Variants in PPP2R2C observed in about 807,000 individuals in gnomAD.
The protein encoded by PPP2R2C is protein phosphatase 2, regulatory subunit B, gamma.
PPP2R2C carries 10 observed loss-of-function variants against 45.3 expected under a neutral mutation model. The observed-to-expected ratio is 0.22, with a 90% confidence interval of 0.14 to 0.37. The LOEUF (loss-of-function observed/expected upper bound fraction) is 0.37. PPP2R2C is among the 10% of genes least tolerant of loss of function. PPP2R2C has a pLI of 1.00. For missense variants in PPP2R2C, 308 were observed against 619.7 expected, an observed-to-expected ratio of 0.50 and a Z score of 5.34; for synonymous variants, 257 against 245.4, an observed-to-expected ratio of 1.05 and a Z score of -0.44.
At chr4:6,376,887 G>A (rs1464094556) in intron 3 of PPP2R2C, among the ~76,000 whole-genome samples, 1 of 152,206 alleles carries the variant, frequency 6.6e-6, no homozygotes, top group African/African-American at 2.4e-5. Context: ...GCTGGGCAGG[G>A]CCCCTTAGGG....
intron 2 of PPP2R2C, among the ~76,000 whole-genome samples, chr4:6,502,523 CTCCTTCCCTGCTTCCT>C (rs1372682753): frequency 6.6e-6 from 1 of 152,022 alleles, no homozygotes; most frequent in African/African-American, 2.4e-5. Context: ...CTCTCCCTCC[CTCCTTCCCTGCTTCCT>C]TCCTTCCTTC....
At chr4:6,379,697 G>A (rs1021404912) in intron 2 of PPP2R2C, among the ~76,000 whole-genome samples, 2 of 152,238 alleles carry the variant, frequency 1.3e-5, no homozygotes, top group Non-Finnish European at 2.9e-5. Context: ...CTGGCCGAGT[G>A]CTGTGTTTGA....
At chr4:6,539,140 A>C (rs1560610671) in intron 1 of PPP2R2C, among the ~76,000 whole-genome samples, 1 of 138,086 alleles carries the variant, frequency 7.2e-6, no homozygotes, top group South Asian at 2.3e-4. Context: ...TGTCCTTCCA[A>C]AAAAAAAAAA....
intron 2 of PPP2R2C, among the ~76,000 whole-genome samples, chr4:6,517,796 G>A (rs1159859418): frequency 6.6e-6 from 1 of 152,170 alleles, no homozygotes; most frequent in African/African-American, 2.4e-5. Context: ...CTGGAAGCCA[G>A]GTAGACAGGG....
intron 2 of PPP2R2C, among the ~76,000 whole-genome samples, chr4:6,485,709 C>G (rs559300975): frequency 7.4e-4 from 112 of 151,876 alleles, no homozygotes; most frequent in African/African-American, 2.5e-3. Flanking sequence ...TGAATATATA[C>G]TAATGTCACC....
intron 2 of PPP2R2C, among the ~76,000 whole-genome samples, chr4:6,515,678 C>T (rs1007223794): frequency 6.6e-6 from 1 of 152,232 alleles, no homozygotes; most frequent in South Asian, 2.1e-4. Flanking sequence ...GTAGTAAGCA[C>T]TCAATAAATA....
intron 1 of PPP2R2C, among the ~76,000 whole-genome samples, chr4:6,556,414 C>G (rs1483267184): frequency 6.6e-6 from 1 of 152,170 alleles, no homozygotes; most frequent in Non-Finnish European, 1.5e-5. Context: ...TCCTGGTTCT[C>G]AAACCTTCAA....
intron 2 of PPP2R2C, among the ~76,000 whole-genome samples, chr4:6,526,060 G>A (rs528690487): frequency 8.5e-5 from 13 of 152,278 alleles, no homozygotes; most frequent in African/African-American, 2.9e-4. Flanking sequence ...CATCTACAGA[G>A]GCTGCACAGA....
At chr4:6,522,329 G>C (rs1724053011) in intron 2 of PPP2R2C, among the ~76,000 whole-genome samples, 2 of 152,238 alleles carry the variant, frequency 1.3e-5, no homozygotes, top group Admixed American at 6.5e-5. Context: ...CCCCAGCCGT[G>C]CTGGGAGCAC....
chr4:6,464,372 C>T (rs1297736041), intron 1 of PPP2R2C, among the ~76,000 whole-genome samples: 1 of 152,164 alleles, frequency 6.6e-6, no homozygotes, highest in African/African-American at 2.4e-5. Context: ...TGTACAGACT[C>T]CTCCAGCAGC....
At chr4:6,452,956 C>T (rs1720819660) in intron 1 of PPP2R2C, among the ~76,000 whole-genome samples, 1 of 152,230 alleles carries the variant, frequency 6.6e-6, no homozygotes, top group Admixed American at 6.5e-5. Flanking sequence ...TCCCCACGGC[C>T]ACACTGCAGG....
In PPP2R2C at chr4:6,535,171, C is replaced by T. The variant is rs563908229; in HGVS notation, c.49+100G>A. The T allele has an allele frequency of 4.4e-3, 5,992 of 1,356,456 alleles. 18 individuals are homozygous for T. Among genetic ancestry groups the T allele is most frequent in the Non-Finnish European group, 5.5e-3 (5,429 of 988,134 alleles). 84.0% of individuals were successfully genotyped at this position (1,356,456 alleles called of 1,614,324 possible). On this transcript the variant is annotated intron_variant, in intron 2 of 9. Coordinates refer to the PPP2R2C transcript ENST00000506140. ...GATCCCAGCACGGTGGGGTCGGCTT[C>T]CCGCTGTCAGGCTGGCGCTGTGTCG...
At chr4:6,497,680 A>G (rs1431974692) in intron 2 of PPP2R2C, among the ~76,000 whole-genome samples, 1 of 152,214 alleles carries the variant, frequency 6.6e-6, no homozygotes, top group Non-Finnish European at 1.5e-5. Context: ...CTACATTAAA[A>G]TCATCATAAA....
chr4:6,556,022 G>A (rs905508843), intron 1 of PPP2R2C, among the ~76,000 whole-genome samples: 2 of 152,174 alleles, frequency 1.3e-5, no homozygotes, highest in Middle Eastern at 3.2e-3. Flanking sequence ...GAAAGAGTCT[G>A]CCCAGCACCC....
chr4:6,487,700 A>G (rs1722571698), intron 2 of PPP2R2C, among the ~76,000 whole-genome samples: 2 of 151,656 alleles, frequency 1.3e-5, no homozygotes, highest in Non-Finnish European at 2.9e-5. Flanking sequence ...GTTTTTTCCC[A>G]TTTTTATTGT....
chr4:6,549,157 T>C (rs560862472), intron 1 of PPP2R2C, among the ~76,000 whole-genome samples: 1 of 152,284 alleles, frequency 6.6e-6, no homozygotes, highest in Admixed American at 6.5e-5. Flanking sequence ...TGCAGTAGCC[T>C]CCAAAGTCAT....
chr4:6,538,748 A>G (rs1463137642), intron 1 of PPP2R2C, among the ~76,000 whole-genome samples: 2 of 152,108 alleles, frequency 1.3e-5, no homozygotes, highest in African/African-American at 4.8e-5. Context: ...CTGTCCCTCT[A>G]ACTTGTTCTC....
At chr4:6,440,731 G>A (rs1345600756) in intron 1 of PPP2R2C, among the ~76,000 whole-genome samples, 3 of 152,176 alleles carry the variant, frequency 2.0e-5, no homozygotes, top group Non-Finnish European at 2.9e-5. Context: ...GCTGATGGAC[G>A]CCGCCTGAGT....
intron 1 of PPP2R2C, among the ~76,000 whole-genome samples, chr4:6,409,384 T>C (rs757719495): frequency 6.6e-6 from 1 of 152,076 alleles, no homozygotes; most frequent in African/African-American, 2.4e-5. Flanking sequence ...CCATCCAGGA[T>C]GGTGTCAGTG....
Sources: allele counts gnomAD v4.1 joint callset (sites outside exome capture counted in the v4.1 genomes callset), GRCh38; gene constraint gnomAD v4.1.1; transcripts MANE v1.5; gene names NCBI Gene and HGNC (gene_info 2026-07-23, HGNC 2026-07-21).